STK32B: variants seen among roughly 807,000 people sequenced by gnomAD.
STK32B encodes serine/threonine-protein kinase 32B.
In STK32B, 43 loss-of-function variants were observed where a neutral mutation model predicts 52.6. The ratio of observed to expected loss-of-function variants is 0.82; its 90% CI spans 0.64 to 1.05. The LOEUF is 1.05. STK32B is among the 50% of genes least tolerant of loss of function. The pLI, the probability that STK32B is intolerant of heterozygous loss-of-function variation, is 0.00. For missense variants in STK32B, 621 were observed against 534.6 expected (o/e 1.16, Z -1.59); for synonymous variants, 238 against 204.3 (o/e 1.17, Z -1.41).
intron 3 of STK32B, among the ~76,000 whole-genome samples, chr4:5,284,196 T>G: frequency 6.6e-6 from 1 of 152,110 alleles, no homozygotes; most frequent in East Asian, 1.9e-4. Context: ...TATGTAAGCC[T>G]CATGGCACCC....
At chr4:5,262,910 G>A (rs1278463682) in intron 3 of STK32B, among the ~76,000 whole-genome samples, 1 of 152,074 alleles carries the variant, frequency 6.6e-6, no homozygotes, top group Non-Finnish European at 1.5e-5. Context: ...CATTAATAAT[G>A]AAAGTAAAAT....
chr4:5,410,659 G>A (rs966267272), intron 5 of STK32B, among the ~76,000 whole-genome samples: 1 of 152,126 alleles, frequency 6.6e-6, no homozygotes, highest in African/African-American at 2.4e-5. Flanking sequence ...TAAACACCAC[G>A]TGGGGTTATT....
At chr4:5,147,001 A>G (rs747268472) in intron 2 of STK32B, among the ~76,000 whole-genome samples, 51 of 152,216 alleles carry the variant, frequency 3.4e-4, no homozygotes, top group Admixed American at 1.7e-3. Flanking sequence ...GGAAATAATT[A>G]TATCTTAAGA....
chr4:5,247,083 A>G (rs905517165), intron 3 of STK32B, among the ~76,000 whole-genome samples: 1 of 152,206 alleles, frequency 6.6e-6, no homozygotes, highest in Admixed American at 6.5e-5. Context: ...TGGGAGAACC[A>G]CTACTCTCTT....
rs578233082 is a variant in STK32B at position 5,499,065 on chromosome 4, C to G, written c.1227C>G (p.Thr409=). 6.2e-7 allele frequency: 1 copy of G among 1,611,862 alleles called. No homozygotes were observed. Among genetic ancestry groups the G allele is most frequent in the South Asian group, 1.1e-5 (1 of 90,712 alleles). The part of the protein sequence containing the change: ...CNNNLLTHTC[T]RGCSS ...ACAACCTCCTCACCCACACCTGCACCCGTGGCTGCAGCAGCTGAGCCCACA... is the reference window on the plus strand; with the variant it reads ...ACAACCTCCTCACCCACACCTGCACGCGTGGCTGCAGCAGCTGAGCCCACA... Residue 409 remains threonine (T), a synonymous_variant, in exon 12 of 12, where the codon ACC becomes ACG. Transcript: ENST00000282908.
chr4:5,407,554 G>C (rs547796325), intron 5 of STK32B, among the ~76,000 whole-genome samples: 7 of 152,272 alleles, frequency 4.6e-5, no homozygotes, highest in African/African-American at 1.4e-4. Context: ...TCCACAGGCT[G>C]TACAGGAGTC....
intron 3 of STK32B, among the ~76,000 whole-genome samples, chr4:5,258,967 C>T (rs1048849886): frequency 6.6e-6 from 1 of 152,168 alleles, no homozygotes; most frequent in African/African-American, 2.4e-5. Flanking sequence ...TCACTTCTTT[C>T]CAGGCTTGTA....
At chr4:5,419,181 A>G (rs1032504101) in intron 6 of STK32B, among the ~76,000 whole-genome samples, 11 of 152,198 alleles carry the variant, frequency 7.2e-5, no homozygotes, top group African/African-American at 2.2e-4. Context: ...CTAAACTTTT[A>G]GAAGATGGTG....
intron 1 of STK32B, among the ~76,000 whole-genome samples, chr4:5,138,517 A>G (rs1378461108): frequency 6.6e-6 from 1 of 152,184 alleles, no homozygotes; most frequent in African/African-American, 2.4e-5. Flanking sequence ...GAATATGGAG[A>G]TTAGTTCATT....
chr4:5,303,558 A>T (rs916929294), intron 3 of STK32B, among the ~76,000 whole-genome samples: 4 of 151,994 alleles, frequency 2.6e-5, no homozygotes, highest in African/African-American at 4.8e-5. Context: ...GATTTGTTTG[A>T]GTTCCTTGTA....
At chr4:5,112,239 T>C (rs1462646899) in intron 1 of STK32B, among the ~76,000 whole-genome samples, 1 of 152,078 alleles carries the variant, frequency 6.6e-6, no homozygotes, top group East Asian at 1.9e-4. Flanking sequence ...TGCTGTGAGA[T>C]TGTATTTGTC....
At chr4:5,261,389 G>C (rs1726704315) in intron 3 of STK32B, among the ~76,000 whole-genome samples, 1 of 152,218 alleles carries the variant, frequency 6.6e-6, no homozygotes, top group Admixed American at 6.5e-5. Context: ...AAGCTATTGT[G>C]TCAGTCTAGG....
Position 5,399,181 on chromosome 4 carries a change from C to T in STK32B, c.472+937C>T, listed in dbSNP as rs1271829517. The stretch of plus-strand genomic sequence containing the variant: ...CTGGCATTGCTTCAGGGGCCCGTCT[C>T]TCAGGGCCTAACATGGGGTTGGCTG... On this transcript the variant is annotated intron_variant, in intron 5 of 11. Transcript: ENST00000282908. The surrounding 1 kb of genome is among the most constrained non-coding windows in gnomAD (Gnocchi z 5.4). Among the ~76,000 whole-genome samples, 2 of 150,576 alleles carry T rather than the reference C, an allele frequency of 1.3e-5. No homozygotes were observed. The highest frequency in any genetic ancestry group is 1.5e-5 in the Non-Finnish European group (1 of 66,808).
At position 5,416,868 on chromosome 4, in the gene STK32B, A is replaced by G. The variant is rs1319227684; in HGVS notation, c.496A>G (p.Asn166Asp). The change falls in exon 6 of 12, where the codon AAC (asparagine) becomes GAC (aspartate). Residue 166 changes from asparagine (N) to aspartate (D), a missense_variant. Coordinates refer to ENST00000282908, the MANE Select transcript of STK32B (RefSeq NM_018401.3). ...AGGACATGTTCACATTACAGACTTCAACATAGCGACGGTAGTGAAAGGAGC... is the reference window on the plus strand; with the variant it reads ...AGGACATGTTCACATTACAGACTTCGACATAGCGACGGTAGTGAAAGGAGC... Reference protein sequence around the residue: ...EHGHVHITDFNIATVVKGAER... With the variant: ...EHGHVHITDFDIATVVKGAER... The G allele has an allele frequency of 1.9e-6, 3 of 1,613,938 alleles. No homozygotes were observed. The highest frequency in any genetic ancestry group is 2.5e-6 in the Non-Finnish European group (3 of 1,179,930).
chr4:5,448,183 C>A (rs532937274), intron 7 of STK32B, among the ~76,000 whole-genome samples: 1 of 152,254 alleles, frequency 6.6e-6, no homozygotes, highest in Non-Finnish European at 1.5e-5. Context: ...CCCCTGAATT[C>A]CTCAAAAACA....
chr4:5,241,336 C>T, intron 3 of STK32B, among the ~76,000 whole-genome samples: 1 of 152,040 alleles, frequency 6.6e-6, no homozygotes, highest in Non-Finnish European at 1.5e-5. Context: ...CCCCATGTAC[C>T]ATTATTTTCG....
intron 3 of STK32B, among the ~76,000 whole-genome samples, chr4:5,296,415 C>T (rs1419806637): frequency 6.6e-6 from 1 of 152,198 alleles, no homozygotes; most frequent in Non-Finnish European, 1.5e-5. Context: ...TCATAGGTCT[C>T]TAAGAACTTG....
At chr4:5,456,281 G>A (rs539345079) in intron 7 of STK32B, among the ~76,000 whole-genome samples, 3 of 152,394 alleles carry the variant, frequency 2.0e-5, no homozygotes, top group Non-Finnish European at 4.4e-5. Context: ...GGGGAGGACA[G>A]GTGAGAAGTC....
In STK32B at chr4:5,470,579, C is replaced by CAGG. The variant is rs2109174528; in HGVS notation, c.1106+2512_1106+2514dup. 6.6e-6 allele frequency among the ~76,000 whole-genome samples: 1 copy of CAGG among 152,158 alleles called. No homozygotes were observed. Among genetic ancestry groups the CAGG allele is most frequent in the African/African-American group, 2.4e-5 (1 of 41,532 alleles). On this transcript the variant is annotated intron_variant, in intron 11 of 11. Transcript: ENST00000282908. This position sits in a 1 kb window ranked among gnomAD's most constrained non-coding sequence, Gnocchi z 4.6. ...AGGCTTACTGCCATATAAAGGTGTC[C>CAGG]AGGAGAGGGTTTTGCTGTGTCCCCC... is the stretch of plus-strand genomic sequence containing the variant.
Sources: gnomAD v4.1 joint callset for allele counts (sites outside exome capture counted in the v4.1 genomes callset) on GRCh38, gnomAD v4.1.1 for gene constraint, Gnocchi (gnomAD v3.1) non-coding constraint, MANE v1.5 for transcripts, NCBI Gene and HGNC (gene_info 2026-07-23, HGNC 2026-07-21) for gene names.